The following CUX1 variants were observed in gnomAD, a reference collection of about 807,000 sequenced individuals.
CUX1 encodes the protein protein CASP.
CUX1 carries 31 observed loss-of-function variants against 158.8 expected under a neutral mutation model. The observed-to-expected ratio is 0.20, with a 90% confidence interval of 0.15 to 0.26. The LOEUF is 0.26. CUX1 is among the 10% of genes least tolerant of loss of function. The pLI is 1.00. For missense variants in CUX1, 1,589 were observed against 2,014.6 expected (o/e 0.79, Z 4.04); for synonymous variants, 879 against 862.1 (o/e 1.02, Z -0.34).
intron 1 of CUX1, among the ~76,000 whole-genome samples, chr7:101,899,394 CA>C (rs557084366): frequency 6.6e-6 from 1 of 151,716 alleles, no homozygotes; most frequent in African/African-American, 2.4e-5. Flanking sequence ...ACTAAAAATA[CA>C]AAAAAAATTA....
intron 21 of CUX1, among the ~76,000 whole-genome samples, chr7:102,228,557 G>A (rs996947939): frequency 3.3e-5 from 5 of 152,098 alleles, no homozygotes; most frequent in Admixed American, 2.6e-4. Context: ...CACATTGGGA[G>A]GCCACAGCAG....
intron 1 of CUX1, among the ~76,000 whole-genome samples, chr7:101,833,828 G>A (rs1302254968): frequency 9.2e-5 from 14 of 152,116 alleles, no homozygotes; most frequent in Admixed American, 9.2e-4. Flanking sequence ...TGTGTTAGGA[G>A]GAGGCGATTT....
chr7:102,216,583 C>CA (rs1797119207), intron 20 of CUX1, among the ~76,000 whole-genome samples: 1 of 33,372 alleles, frequency 3.0e-5, no homozygotes. Context: ...CACACACTCT[C>CA]CCACACACAC....
chr7:102,225,288 A>G (rs1264783395), intron 20 of CUX1, among the ~76,000 whole-genome samples: 1 of 152,170 alleles, frequency 6.6e-6, no homozygotes, highest in Non-Finnish European at 1.5e-5. Flanking sequence ...AGGACGATAA[A>G]CGGGTTGATC....
chr7:102,129,648 C>T (rs1171206580), intron 8 of CUX1, among the ~76,000 whole-genome samples: 1 of 152,184 alleles, frequency 6.6e-6, no homozygotes, highest in Non-Finnish European at 1.5e-5. Flanking sequence ...TGTGCCATTG[C>T]ACTCCAGCCT....
At chr7:102,162,559 A>G (rs1467024939) in intron 9 of CUX1, among the ~76,000 whole-genome samples, 5 of 151,976 alleles carry the variant, frequency 3.3e-5, no homozygotes, top group Non-Finnish European at 7.3e-5. Flanking sequence ...CTACAGGCAT[A>G]TGGCACCACG....
At chr7:102,133,503 T>C (rs1833556893) in intron 8 of CUX1, among the ~76,000 whole-genome samples, 1 of 125,522 alleles carries the variant, frequency 8.0e-6, no homozygotes, top group Non-Finnish European at 1.6e-5. Context: ...TGAGATGGAG[T>C]CTTGCCCTGT....
At chr7:102,158,775 A>AT (rs1442383838) in intron 9 of CUX1, among the ~76,000 whole-genome samples, 167 bp downstream of exon 9, 4 of 152,228 alleles carry the variant, frequency 2.6e-5, no homozygotes, top group Non-Finnish European at 4.4e-5. Context: ...AGGAAAAGAC[A>AT]TAAAAAGTCC....
At chr7:102,016,801 G>A (rs1055064682) in intron 2 of CUX1, among the ~76,000 whole-genome samples, 1 of 152,186 alleles carries the variant, frequency 6.6e-6, no homozygotes, top group African/African-American at 2.4e-5. Context: ...ACTCCTGAAA[G>A]TACTAAGAGG....
At chr7:102,170,017 G>A (rs782414812) in intron 9 of CUX1, among the ~76,000 whole-genome samples, 1 of 152,230 alleles carries the variant, frequency 6.6e-6, no homozygotes, top group Non-Finnish European at 1.5e-5. Flanking sequence ...GTTTGTGCGT[G>A]TTTTTAGGAA....
chr7:102,169,590 C>T (rs554851170), intron 9 of CUX1, among the ~76,000 whole-genome samples: 10 of 152,320 alleles, frequency 6.6e-5, no homozygotes, highest in African/African-American at 2.4e-4. Flanking sequence ...GGCTAGGGAC[C>T]GTGTTCCCAT....
chr7:102,051,079 C>T (rs1432636027), intron 3 of CUX1, among the ~76,000 whole-genome samples: 1 of 152,122 alleles, frequency 6.6e-6, no homozygotes, highest in East Asian at 1.9e-4. Context: ...TCCCTTGCAC[C>T]TCCCTCCACA....
chr7:102,115,124 C>A, intron 7 of CUX1, 83 bp from the exon 8 acceptor site: 1 of 1,217,266 alleles, frequency 8.2e-7, no homozygotes, highest in Non-Finnish European at 1.2e-6. Context: ...AAATCTTTGC[C>A]TCTTTTGAAA....
chr7:102,280,018 C>T (rs1284002030), intron 18 of CUX1: 7 of 1,556,916 alleles, frequency 4.5e-6, no homozygotes, highest in Non-Finnish European at 6.2e-6. Flanking sequence ...TGGTTCTCTT[C>T]CCCTCCCTGT....
intron 3 of CUX1, among the ~76,000 whole-genome samples, chr7:102,052,343 T>G (rs2130118007): frequency 6.6e-6 from 1 of 152,338 alleles, no homozygotes; most frequent in East Asian, 1.9e-4. Flanking sequence ...CTCTGTAGAT[T>G]TGGCCATTCT....
Position 101,835,048 on chromosome 7 carries a change from G to A in CUX1, c.30+17379G>A, listed in dbSNP as rs182474805. ...AATAAATAAAGTTTAAAATCCATAG[G>A]TGTTTGGTATACTCACAATGTCGTG... On this transcript the variant is annotated intron_variant, in intron 1 of 23. Coordinates refer to ENST00000292535, the MANE Select transcript of CUX1 (RefSeq NM_181552.4). 2.0e-3 allele frequency among the ~76,000 whole-genome samples: 301 copies of A among 151,898 alleles called. 2 individuals carry two copies. The highest frequency in any genetic ancestry group is 6.8e-3 in the African/African-American group (283 of 41,400).
chr7:102,059,661 C>T (rs2130326485), intron 3 of CUX1, among the ~76,000 whole-genome samples: 1 of 151,622 alleles, frequency 6.6e-6, no homozygotes, highest in African/African-American at 2.4e-5. Flanking sequence ...AATTTAAAAC[C>T]CTCAAGATTT....
chr7:101,836,433 G>A (rs1794637647), intron 1 of CUX1, among the ~76,000 whole-genome samples: 1 of 152,100 alleles, frequency 6.6e-6, no homozygotes, highest in African/African-American at 2.4e-5. Context: ...CTGTTGTGCA[G>A]TTTGGGATGA....
chr7:101,931,192 T>G (rs1358924202), intron 2 of CUX1, among the ~76,000 whole-genome samples: 1 of 152,180 alleles, frequency 6.6e-6, no homozygotes, highest in Non-Finnish European at 1.5e-5. Flanking sequence ...GGCCCAAGAC[T>G]TAGGCACATC....
Sources: gnomAD v4.1 joint callset for allele counts (sites outside exome capture counted in the v4.1 genomes callset) on GRCh38, gnomAD v4.1.1 for gene constraint, MANE v1.5 for transcripts, NCBI Gene and HGNC (gene_info 2026-07-23, HGNC 2026-07-21) for gene names.